IDI2: variants seen among roughly 807,000 people sequenced by gnomAD.
IDI2 encodes the protein isopentenyl-diphosphate delta-isomerase 2.
A neutral mutation model predicts 14.8 loss-of-function variants in IDI2; 18 were observed. That is an observed-to-expected ratio of 1.22 (90% CI 0.84 to 1.80). The LOEUF is 1.80. Among genes scored for constraint, IDI2 ranks in the 40% most tolerant of loss-of-function variants. The pLI, the probability that IDI2 is intolerant of heterozygous loss-of-function variation, is 0.00. For synonymous variants in IDI2, 133 were observed against 109.6 expected, an observed-to-expected ratio of 1.21 and a Z score of -1.33; for missense variants, 316 against 283.2, an observed-to-expected ratio of 1.12 and a Z score of -0.83.
intron 4 of IDI2, among the ~76,000 whole-genome samples, chr10:1,020,200 A>G (rs1225459455): frequency 4.6e-5 from 7 of 151,982 alleles, no homozygotes. Flanking sequence ...AGGATCCTGG[A>G]CATTCTTTCT....
At chr10:1,023,647 G>A (rs1162977324) in intron 2 of IDI2, among the ~76,000 whole-genome samples, 1 of 152,182 alleles carries the variant, frequency 6.6e-6, no homozygotes, top group Non-Finnish European at 1.5e-5. Context: ...AAAACACAAT[G>A]CTAGACACCA....
At chr10:1,024,818 C>T in intron 1 of IDI2, 74 bp from the exon 2 acceptor site, 4 of 1,442,872 alleles carry the variant, frequency 2.8e-6, no homozygotes, top group South Asian at 1.2e-5. Flanking sequence ...TGTTACCAAC[C>T]ACATTAGGAT....
chr10:1,022,616 C>T, intron 3 of IDI2, 67 bp downstream of exon 3: 1 of 1,225,720 alleles, frequency 8.2e-7, no homozygotes, highest in Non-Finnish European at 1.2e-6. Flanking sequence ...AGTTCCTGTC[C>T]CAGATTCCTC....
At chr10:1,021,904 G>A (rs981969502) in intron 3 of IDI2, among the ~76,000 whole-genome samples, 3 of 152,186 alleles carry the variant, frequency 2.0e-5, no homozygotes, top group Non-Finnish European at 4.4e-5. Flanking sequence ...TTGAAAATTT[G>A]AGGACAGCCT....
In IDI2 at chr10:1,019,392, T is replaced by TCA; in HGVS notation, c.*124_*125insTG. 1 of 650,974 alleles carries TCA rather than the reference T, an allele frequency of 1.5e-6. No individual in the cohort carries two copies. Among genetic ancestry groups the TCA allele is most frequent in the South Asian group, 2.0e-5 (1 of 49,234 alleles). The allele number at this position is 650,974 out of a possible 1,614,324, so 40.3% of individuals were successfully genotyped here. ...TTGATGAAAAGGTTGAAATAGTGATTTATACATGATGGGCAATCAAGTGCC... is the reference window on the plus strand; with the variant it reads ...TTGATGAAAAGGTTGAAATAGTGATTCATATACATGATGGGCAATCAAGTGCC... On this transcript the variant is annotated 3_prime_UTR_variant, in exon 5 of 5. Coordinates refer to ENST00000277517, the MANE Select transcript of IDI2 (RefSeq NM_033261.3).
In IDI2 at chr10:1,024,614, C is replaced by T. The variant is rs1832177855; in HGVS notation, c.110G>A (p.Arg37Lys). The stretch of plus-strand genomic sequence containing the variant: ...AATGTTTTCGTTCAGATGGCAATTC[C>T]TCTTGGTGTCGGCACCAATAACCTT... ...NDKVIGADTK[R>K]NCHLNENIEK... The change falls in exon 2 of 5, where the codon AGG becomes AAG. Residue 37 changes from arginine to lysine, a missense_variant. By Grantham distance (26) the Arg-to-Lys change is conservative. Coordinates refer to ENST00000277517, the MANE Select transcript of IDI2 (RefSeq NM_033261.3). 2 of 1,614,128 alleles carry T rather than the reference C, an allele frequency of 1.2e-6. No homozygotes were observed. Among genetic ancestry groups the T allele is most frequent in the Non-Finnish European group, 8.5e-7 (1 of 1,180,010 alleles).
At chr10:1,021,178 C>G (rs577947252) in intron 3 of IDI2, among the ~76,000 whole-genome samples, 11 of 152,302 alleles carry the variant, frequency 7.2e-5, no homozygotes, top group African/African-American at 2.6e-4. Context: ...GTGGCACTAT[C>G]CCAGTATGTC....
At chr10:1,024,952 C>T (rs1054146568) in intron 1 of IDI2, among the ~76,000 whole-genome samples, 1 of 151,268 alleles carries the variant, frequency 6.6e-6, no homozygotes, top group Non-Finnish European at 1.5e-5. Context: ...TGGGTACATA[C>T]ATACTCCTCA....
At position 1,023,533 on chromosome 10, in the gene IDI2, C is replaced by G. The variant is rs113324657; in HGVS notation, c.143-758G>C. Among the ~76,000 whole-genome samples, 845 of 151,014 alleles carry G rather than the reference C, an allele frequency of 5.6e-3. 11 individuals carry two copies. The highest frequency in any genetic ancestry group is 0.019 in the African/African-American group (762 of 41,154). ...GTCATTTGTAGCAACATGGATGGAA[C>G]TGGAGGCCATTGTGTTAAGTGGAAC... On this transcript the variant is annotated intron_variant, in intron 2 of 4. Coordinates refer to ENST00000277517, the MANE Select transcript of IDI2 (RefSeq NM_033261.3).
intron 3 of IDI2, among the ~76,000 whole-genome samples, chr10:1,022,283 T>C (rs1832122130): frequency 1.3e-5 from 2 of 152,038 alleles, no homozygotes; most frequent in South Asian, 4.1e-4. Context: ...AATTTTAAGT[T>C]GTAATTTTAA....
rs1056456921 is a variant in IDI2 at position 1,019,193 on chromosome 10, G to C, written c.*324C>G. ...CCTCATGGTCCAGCCAGGCTAGTCC[G>C]CCTGCTTCAGGACTCTCAAGATCTC... On this transcript the variant is annotated 3_prime_UTR_variant, in exon 5 of 5. Coordinates refer to ENST00000277517, the MANE Select transcript of IDI2 (RefSeq NM_033261.3). The C allele has an allele frequency of 1.3e-5, 3 of 237,882 alleles. No individual in the cohort carries two copies. The highest frequency in any genetic ancestry group is 1.3e-4 in the South Asian group (2 of 14,916). The allele number at this position is 237,882 out of a possible 1,614,324, so 14.7% of individuals were successfully genotyped here. A position where few individuals can be genotyped will look rare whatever the true frequency, so the allele number is the denominator to read the frequency against.
rs1294209226 is a variant in IDI2, at chr10:1,024,554, C to T, written c.142+28G>A. The T allele has an allele frequency of 6.2e-6, 10 of 1,612,700 alleles. No individual in the cohort carries two copies. The East Asian group carries it at 2.2e-4, about 36-fold the overall frequency. ...GGGAAAAATGGGAAAACCCTGGGAACTGGACAGAGAAAATGGGCGGGGGCT... is the reference window on the plus strand; with the variant it reads ...GGGAAAAATGGGAAAACCCTGGGAATTGGACAGAGAAAATGGGCGGGGGCT... On this transcript the variant is annotated intron_variant, in intron 2 of 4. Transcript: ENST00000277517.
At position 1,025,010 on chromosome 10, in the gene IDI2, CCACACA is replaced by C. The variant is rs72086728; in HGVS notation, c.-21-272_-21-267del. ...GACGAGTTAAAGAATCCCCGCCCCA[CCACACA>C]CACACACACACACACACACACACAC... On this transcript the variant is annotated intron_variant, in intron 1 of 4. Transcript: ENST00000277517. 7.8e-3 allele frequency among the ~76,000 whole-genome samples: 1,126 copies of C among 145,122 alleles called. 18 individuals are homozygous for C. The highest frequency in any genetic ancestry group is 0.026 in the African/African-American group (1,033 of 39,470).
Position 1,022,678 on chromosome 10 carries a change from C to T in IDI2, c.235+5G>A, listed in dbSNP as rs2132185221. 1 of 1,609,746 alleles carries T rather than the reference C, an allele frequency of 6.2e-7. No individual in the cohort carries two copies. Among genetic ancestry groups the T allele is most frequent in the Non-Finnish European group, 8.5e-7 (1 of 1,176,058 alleles). ...TCAGTCCGGGGCTTGGTTGAACGGA[C>T]TCACCAGGAAACGTGACTTTCGTGT... On this transcript the variant is annotated splice_donor_5th_base_variant and intron_variant, in intron 3 of 4. Coordinates refer to ENST00000277517, the MANE Select transcript of IDI2 (RefSeq NM_033261.3).
chr10:1,024,585 T>C lies in IDI2; in HGVS notation c.139A>G (p.Lys47Glu). The C allele has an allele frequency of 6.2e-7, 1 of 1,613,900 alleles. No homozygotes were observed. The highest frequency in any genetic ancestry group is 1.3e-5 in the African/African-American group (1 of 74,950). The change falls in exon 2 of 5, where the codon AAA becomes GAA. Residue 47 changes from lysine (K) to glutamate (E), a missense_variant. Transcript: ENST00000277517. Reference protein sequence around the residue: ...RNCHLNENIEKGLLHRAFSVV... With the variant: ...RNCHLNENIEEGLLHRAFSVV... ...AGAGAAAATGGGCGGGGGCTACCTT[T>C]CTCAATGTTTTCGTTCAGATGGCAA...
chr10:1,022,539 G>A (rs1832128272), intron 3 of IDI2, 144 bp downstream of exon 3: 2 of 659,890 alleles, frequency 3.0e-6, no homozygotes, highest in Non-Finnish European at 5.6e-6. Flanking sequence ...ATTAGCATCT[G>A]CCTAAGCTGC....
rs201116307 is a variant in IDI2 at position 1,019,502 on chromosome 10, C to G, written c.*15G>C. On this transcript the variant is annotated 3_prime_UTR_variant, in exon 5 of 5. Coordinates refer to ENST00000277517, the MANE Select transcript of IDI2 (RefSeq NM_033261.3). Reference sequence around the variant, plus strand: ...CTGAGGGCATTACACATGGCTGACTCGACCTCCCTGCCTCTCACACTCTGT... The same window carrying G: ...CTGAGGGCATTACACATGGCTGACTGGACCTCCCTGCCTCTCACACTCTGT... The G allele has an allele frequency of 1.3e-6, 2 of 1,599,914 alleles. No homozygotes were observed. The highest frequency in any genetic ancestry group is 2.2e-5 in the South Asian group (2 of 89,260).
At chr10:1,021,476 C>T (rs1370150857) in intron 3 of IDI2, among the ~76,000 whole-genome samples, 1 of 152,238 alleles carries the variant, frequency 6.6e-6, no homozygotes, top group Non-Finnish European at 1.5e-5. Flanking sequence ...TCTCTGTTCC[C>T]TCTCGTTCCT....
intron 4 of IDI2, 122 bp downstream of exon 4, chr10:1,020,645 C>T: frequency 9.9e-7 from 1 of 1,013,804 alleles, no homozygotes; most frequent in Non-Finnish European, 1.4e-6. Context: ...ACAGCCCCAT[C>T]CTTCATCCTC....
Sources: allele counts gnomAD v4.1 joint callset (sites outside exome capture counted in the v4.1 genomes callset), GRCh38; gene constraint gnomAD v4.1.1; transcripts MANE v1.5; gene names NCBI Gene and HGNC (gene_info 2026-07-23, HGNC 2026-07-21).